The following SSH2 variants were observed in gnomAD, a reference collection of about 807,000 sequenced individuals.
The protein encoded by SSH2 is slingshot protein phosphatase 2, also known as protein phosphatase Slingshot homolog 2.
SSH2 carries 37 observed loss-of-function variants against 135.2 expected under a neutral mutation model. The ratio of observed to expected loss-of-function variants is 0.27; its 90% CI spans 0.21 to 0.36. The LOEUF is 0.36. Ranked by LOEUF, SSH2 falls within the 10% of genes least tolerant of loss-of-function variation. SSH2 has a pLI of 1.00. For missense variants in SSH2, 1,408 were observed against 1,765.3 expected (o/e 0.80, Z 3.63); for synonymous variants, 628 against 646.2 (o/e 0.97, Z 0.43).
chr17:29,898,344 G>C (rs975828971), intron 1 of SSH2, among the ~76,000 whole-genome samples: 8 of 152,044 alleles, frequency 5.3e-5, no homozygotes, highest in Non-Finnish European at 1.0e-4. Context: ...TCCAGGAGCT[G>C]GTTTTTTGAA....
At chr17:29,641,981 T>C (rs1765349592) in intron 14 of SSH2, among the ~76,000 whole-genome samples, 1 of 149,780 alleles carries the variant, frequency 6.7e-6, no homozygotes. Context: ...GGAGTTATAG[T>C]AAAATCAGGC....
chr17:29,688,008 G>GT (rs201740279), intron 5 of SSH2, among the ~76,000 whole-genome samples: 68,120 of 147,428 alleles, frequency 0.46, 16,451 homozygotes, highest in East Asian at 0.68. Context: ...AAACATTAGT[G>GT]TTTTTTTTTT....
At chr17:29,900,323 A>G (rs368854710) in intron 1 of SSH2, among the ~76,000 whole-genome samples, 1 of 152,188 alleles carries the variant, frequency 6.6e-6, no homozygotes, top group East Asian at 1.9e-4. Flanking sequence ...AGCAAAAGAA[A>G]CTACCATCAG....
intron 3 of SSH2, among the ~76,000 whole-genome samples, chr17:29,773,833 A>C (rs1193012349): frequency 6.6e-6 from 1 of 152,102 alleles, no homozygotes; most frequent in Non-Finnish European, 1.5e-5. Context: ...ATGTGCCACC[A>C]CACTTGGCTA....
rs528757574 is a variant in SSH2 at position 29,628,895 on chromosome 17, C to T, written c.*1946G>A. 6.6e-6 allele frequency: 1 copy of T among 152,408 alleles called. No homozygotes were observed. Among genetic ancestry groups the T allele is most frequent in the African/African-American group, 2.4e-5 (1 of 41,554 alleles). The allele number at this position is 152,408 out of a possible 1,614,324, so 9.4% of individuals were successfully genotyped here. On this transcript the variant is annotated 3_prime_UTR_variant, in exon 16 of 16. Transcript: ENST00000540801. ...ACAGCTCCTCTTAAGACCCAGTGGC[C>T]CCAGTCTACCTTTTCTGCATCTTTT...
chr17:29,774,930 C>T (rs957913646), intron 3 of SSH2, among the ~76,000 whole-genome samples: 1 of 152,172 alleles, frequency 6.6e-6, no homozygotes, highest in Admixed American at 6.6e-5. Flanking sequence ...AGCAGCCCTC[C>T]ACCCCATTTG....
chr17:29,686,651 G>A (rs1410485946), intron 5 of SSH2, among the ~76,000 whole-genome samples: 3 of 150,208 alleles, frequency 2.0e-5, no homozygotes, highest in Admixed American at 6.7e-5. Context: ...TTACATGCAC[G>A]GGCCACTGCA....
intron 4 of SSH2, among the ~76,000 whole-genome samples, chr17:29,702,081 G>A (rs908819466): frequency 2.0e-5 from 3 of 151,566 alleles, no homozygotes; most frequent in Non-Finnish European, 4.4e-5. Flanking sequence ...GGCTGGGTGC[G>A]GGGACTCACA....
chr17:29,730,852 A>T (rs1182890408), intron 3 of SSH2, among the ~76,000 whole-genome samples: 1 of 152,204 alleles, frequency 6.6e-6, no homozygotes, highest in East Asian at 1.9e-4. Context: ...AAAAGATATG[A>T]AAATAAAATA....
At chr17:29,826,867 G>A (rs369512058) in intron 2 of SSH2, among the ~76,000 whole-genome samples, 33 of 152,244 alleles carry the variant, frequency 2.2e-4, no homozygotes, top group African/African-American at 7.2e-4. Flanking sequence ...AAGCAAGGCC[G>A]AGTGATTCTC....
chr17:29,854,227 A>G (rs1443432278), intron 1 of SSH2, among the ~76,000 whole-genome samples: 1 of 151,942 alleles, frequency 6.6e-6, no homozygotes, highest in Non-Finnish European at 1.5e-5. Flanking sequence ...TGAGTCATTC[A>G]TTGCCATTTA....
At chr17:29,669,398 C>A (rs546415248) in intron 9 of SSH2, among the ~76,000 whole-genome samples, 2 of 152,280 alleles carry the variant, frequency 1.3e-5, no homozygotes, top group Admixed American at 1.3e-4. Context: ...CCTTAGATTT[C>A]AAAATATAAA....
intron 3 of SSH2, among the ~76,000 whole-genome samples, chr17:29,705,191 C>T (rs2039147851): frequency 6.6e-6 from 1 of 152,168 alleles, no homozygotes; most frequent in Non-Finnish European, 1.5e-5. Context: ...TCAAATATAT[C>T]TTGAACCTGC....
Position 29,731,556 on chromosome 17 carries a change from AGCGATTCTCGT to A in SSH2, c.189-28505_189-28495del, listed in dbSNP as rs1216955815. Reference sequence around the variant, plus strand: ...CTACAACCTCCGCCTCCCAGGTTCAAGCGATTCTCGTGCCTCAGCCTCCTGAGTAGCTGGGA... The same window carrying A: ...CTACAACCTCCGCCTCCCAGGTTCAAGCCTCAGCCTCCTGAGTAGCTGGGA... On this transcript the variant is annotated intron_variant, in intron 3 of 15. Coordinates refer to ENST00000540801, the MANE Select transcript of SSH2 (RefSeq NM_001282129.2). 2.6e-5 allele frequency among the ~76,000 whole-genome samples: 4 copies of A among 151,934 alleles called. No individual in the cohort carries two copies. In the East Asian group the frequency reaches 7.7e-4, roughly 29 times the overall value.
rs906814070 is a variant in SSH2 at position 29,626,571 on chromosome 17, G to A, written c.*4270C>T. ...TAGAAATCCTATCCTAGACCTCTGGGGCACTGAGAAAATGAGGCTGGTTAT... is the reference window on the plus strand; with the variant it reads ...TAGAAATCCTATCCTAGACCTCTGGAGCACTGAGAAAATGAGGCTGGTTAT... On this transcript the variant is annotated 3_prime_UTR_variant, in exon 16 of 16. Coordinates refer to ENST00000540801, the MANE Select transcript of SSH2 (RefSeq NM_001282129.2). 3 of 152,612 alleles carry A rather than the reference G, an allele frequency of 2.0e-5. No individual in the cohort carries two copies. The highest frequency in any genetic ancestry group is 7.2e-5 in the African/African-American group (3 of 41,428). 9.5% of individuals were successfully genotyped at this position (152,612 alleles called of 1,614,324 possible). A position where few individuals can be genotyped will look rare whatever the true frequency, so the allele number is the denominator to read the frequency against.
chr17:29,696,311 TATAA>T (rs1338027190), intron 4 of SSH2, among the ~76,000 whole-genome samples: 5 of 149,602 alleles, frequency 3.3e-5, no homozygotes, highest in Non-Finnish European at 7.4e-5. Flanking sequence ...CATATATGTA[TATAA>T]ATATACATAC....
intron 3 of SSH2, among the ~76,000 whole-genome samples, chr17:29,739,631 A>G (rs2040489725): frequency 6.6e-6 from 1 of 152,228 alleles, no homozygotes; most frequent in South Asian, 2.1e-4. Flanking sequence ...GTTAGCCCTA[A>G]TAATAAATGC....
intron 1 of SSH2, among the ~76,000 whole-genome samples, chr17:29,888,931 C>CAAAAAAAAAAAAAA (rs1175371440): frequency 2.4e-5 from 1 of 42,082 alleles, no homozygotes; most frequent in Non-Finnish European, 3.9e-5. Context: ...GACACTATCT[C>CAAAAAAAAAAAAAA]AAAAAAAAAA....
At chr17:29,919,986 C>A (rs1349067682) in intron 1 of SSH2, among the ~76,000 whole-genome samples, 2 of 152,016 alleles carry the variant, frequency 1.3e-5, no homozygotes, top group African/African-American at 4.8e-5. Context: ...CTCAGCTCAC[C>A]ACAACCTCCG....
Sources: allele counts gnomAD v4.1 joint callset (sites outside exome capture counted in the v4.1 genomes callset), GRCh38; gene constraint gnomAD v4.1.1; transcripts MANE v1.5; gene names NCBI Gene and HGNC (gene_info 2026-07-23, HGNC 2026-07-21).